AGPAT4: variants seen among roughly 807,000 people sequenced by gnomAD.
The protein encoded by AGPAT4 is 1-acyl-sn-glycerol-3-phosphate acyltransferase delta.
A neutral mutation model predicts 48.0 loss-of-function variants in AGPAT4; 15 were observed. The observed-to-expected ratio is 0.31, with a 90% CI of 0.21 to 0.48. AGPAT4 has a LOEUF of 0.48. Among genes scored for constraint, AGPAT4 ranks in the 20% least tolerant of loss-of-function variants. The probability of loss-of-function intolerance (pLI) is 0.99; values close to 1 mark genes in which losing one functional copy is unlikely to be tolerated. For missense variants in AGPAT4, 314 were observed against 482.5 expected, an observed-to-expected ratio of 0.65 and a Z score of 3.27; for synonymous variants, 178 against 198.7, an observed-to-expected ratio of 0.90 and a Z score of 0.88.
Position 161,272,058 on chromosome 6 carries a change from G to A in AGPAT4, c.-90+1880C>T, listed in dbSNP as rs146307780. Among the ~76,000 whole-genome samples, 41 of 152,164 alleles carry A rather than the reference G, an allele frequency of 2.7e-4. No homozygotes were observed. The Middle Eastern group carries it at 0.02, about 76-fold the overall frequency. On this transcript the variant is annotated intron_variant, in intron 1 of 8. Coordinates refer to ENST00000320285, the MANE Select transcript of AGPAT4 (RefSeq NM_020133.3). This position sits in a 1 kb window ranked among gnomAD's most constrained non-coding sequence, Gnocchi z 4.2. ...GTGTTATGCCCTTTAAATAGTTCTC[G>A]TCTTTAACTCCATGTGGCTCTGGTT...
At position 161,150,079 on chromosome 6, in the gene AGPAT4, TAGG is replaced by T. The variant is rs370521828; in HGVS notation, c.665-793_665-791del. Among the ~76,000 whole-genome samples, 319 of 152,334 alleles carry T rather than the reference TAGG, an allele frequency of 2.1e-3. 1 individual carries two copies. Among genetic ancestry groups the T allele is most frequent in the African/African-American group, 7.4e-3 (306 of 41,568 alleles). ...AAAAGAAGGTAGCTACAAATTATCCTAGGAGAAGATACTGATGAGAAACTCCTT... is the reference window on the plus strand; with the variant it reads ...AAAAGAAGGTAGCTACAAATTATCCTAGAAGATACTGATGAGAAACTCCTT... On this transcript the variant is annotated intron_variant, in intron 5 of 8. Coordinates refer to ENST00000320285, the MANE Select transcript of AGPAT4 (RefSeq NM_020133.3).
Position 161,221,142 on chromosome 6 carries a change from A to G in AGPAT4, c.178+10894T>C, listed in dbSNP as rs141868471. ...TGGATGAACATGGTGAGCAAGGAACACATGGTGAAGGAAACGTGTGAGGCT... is the reference window on the plus strand; with the variant it reads ...TGGATGAACATGGTGAGCAAGGAACGCATGGTGAAGGAAACGTGTGAGGCT... On this transcript the variant is annotated intron_variant, in intron 2 of 8. Coordinates refer to ENST00000320285, the MANE Select transcript of AGPAT4 (RefSeq NM_020133.3). The surrounding 1 kb of genome is among the most constrained non-coding windows in gnomAD (Gnocchi z 4.5). 3.9e-3 allele frequency among the ~76,000 whole-genome samples: 587 copies of G among 152,284 alleles called. 2 individuals carry two copies. Among genetic ancestry groups the G allele is most frequent in the African/African-American group, 0.014 (562 of 41,552 alleles).
In AGPAT4 at chr6:161,144,158, G is replaced by A. The variant is rs973727392; in HGVS notation, c.843+2366C>T. Reference sequence around the variant, plus strand: ...TCACCACTCTGCTTGGAGAAACCATGCACCACTTCCACTTGCTGCTCAGCG... The same window carrying A: ...TCACCACTCTGCTTGGAGAAACCATACACCACTTCCACTTGCTGCTCAGCG... On this transcript the variant is annotated intron_variant, in intron 7 of 8. Coordinates refer to ENST00000320285, the MANE Select transcript of AGPAT4 (RefSeq NM_020133.3). This position sits in a 1 kb window ranked among gnomAD's most constrained non-coding sequence, Gnocchi z 6.6. The A allele has an allele frequency of 1.5e-5, 8 of 533,186 alleles. No homozygotes were observed. The highest frequency in any genetic ancestry group is 1.3e-4 in the African/African-American group (7 of 51,902). The allele number at this position is 533,186 out of a possible 1,614,324, so 33.0% of individuals were successfully genotyped here.
Position 161,263,650 on chromosome 6 carries a change from G to A in AGPAT4, c.-90+10288C>T, listed in dbSNP as rs58774824. Among the ~76,000 whole-genome samples the A allele has an allele frequency of 3.3e-5, 5 of 151,974 alleles. No individual in the cohort carries two copies. In the East Asian group the frequency reaches 5.8e-4, roughly 18 times the overall value. ...AAATATCTCTCTGGTCCTCTCCCCC[G>A]ACCTCCTCTCAAACTTTAACCCTAT... On this transcript the variant is annotated intron_variant, in intron 1 of 8. Coordinates refer to ENST00000320285, the MANE Select transcript of AGPAT4 (RefSeq NM_020133.3).
chr6:161,181,705 C>G (rs1344338772), intron 2 of AGPAT4, among the ~76,000 whole-genome samples: 1 of 152,172 alleles, frequency 6.6e-6, no homozygotes. Flanking sequence ...AAACTGGGAG[C>G]CCAGCTGTGC....
At chr6:161,150,235 C>T (rs890201222) in intron 5 of AGPAT4, among the ~76,000 whole-genome samples, 5 of 152,164 alleles carry the variant, frequency 3.3e-5, no homozygotes, top group Non-Finnish European at 7.3e-5. Context: ...AGTGTAAGAG[C>T]ACCAGACGGT....
intron 2 of AGPAT4, among the ~76,000 whole-genome samples, chr6:161,193,749 G>A (rs1006226381): frequency 6.6e-6 from 1 of 152,144 alleles, no homozygotes; most frequent in African/African-American, 2.4e-5. Context: ...TCTTGGCTTC[G>A]TATATATCCT....
rs2114959426 is a variant in AGPAT4 at position 161,147,201 on chromosome 6, C to T, written c.768-602G>A. Among the ~76,000 whole-genome samples the T allele has an allele frequency of 6.6e-6, 1 of 152,310 alleles. No homozygotes were observed. Among genetic ancestry groups the T allele is most frequent in the Admixed American group, 6.5e-5 (1 of 15,294 alleles). On this transcript the variant is annotated intron_variant, in intron 6 of 8. Coordinates refer to ENST00000320285, the MANE Select transcript of AGPAT4 (RefSeq NM_020133.3). This position sits in a 1 kb window ranked among gnomAD's most constrained non-coding sequence, Gnocchi z 4.8. ...AGGGCATCTTCCCCAGGCTCCATGG[C>T]TCAGACAGGGGTCTTGAGTCACTGT...
Position 161,158,365 on chromosome 6 carries a change from GATTT to G in AGPAT4, c.349-4059_349-4056del, listed in dbSNP as rs543205602. ...AAATATACTAATTTCATCAATTCTG[GATTT>G]ATTTCACAGGTCAACGTGAAAGGAT... On this transcript the variant is annotated intron_variant, in intron 3 of 8. Coordinates refer to ENST00000320285, the MANE Select transcript of AGPAT4 (RefSeq NM_020133.3). This position sits in a 1 kb window ranked among gnomAD's most constrained non-coding sequence, Gnocchi z 5.3. Among the ~76,000 whole-genome samples the G allele has an allele frequency of 3.5e-4, 54 of 152,314 alleles. 1 individual carries two copies. The highest frequency in any genetic ancestry group is 1.5e-3 in the Admixed American group (23 of 15,300).
intron 1 of AGPAT4, among the ~76,000 whole-genome samples, chr6:161,248,022 A>T (rs1412118255): frequency 1.3e-5 from 2 of 150,324 alleles, no homozygotes. Flanking sequence ...TGGCCACAGC[A>T]ATTAGGCAAG....
In AGPAT4 at chr6:161,139,656, C is replaced by T. The variant is rs542686127; in HGVS notation, c.844-36G>A. On this transcript the variant is annotated intron_variant, in intron 7 of 8. Coordinates refer to ENST00000320285, the MANE Select transcript of AGPAT4 (RefSeq NM_020133.3). The surrounding 1 kb of genome is among the most constrained non-coding windows in gnomAD (Gnocchi z 9.1). ...GGAAAGAGGACCCTCAGACGCCACACGGGGCTCGGTGGCAGGTCCCTCCCG... is the reference window on the plus strand; with the variant it reads ...GGAAAGAGGACCCTCAGACGCCACATGGGGCTCGGTGGCAGGTCCCTCCCG... 1.9e-5 allele frequency: 29 copies of T among 1,544,270 alleles called. No homozygotes were observed. The East Asian group carries it at 2.5e-4, about 13-fold the overall frequency.
chr6:161,253,521 T>C (rs1782862167), intron 1 of AGPAT4, among the ~76,000 whole-genome samples: 1 of 151,964 alleles, frequency 6.6e-6, no homozygotes, highest in Non-Finnish European at 1.5e-5. Context: ...CCCAAAGTGC[T>C]GGGATTACAG....
Position 161,255,956 on chromosome 6 carries a change from C to A in AGPAT4, c.-90+17982G>T, listed in dbSNP as rs1432905387. Among the ~76,000 whole-genome samples the A allele has an allele frequency of 6.6e-6, 1 of 152,094 alleles. No individual in the cohort carries two copies. The highest frequency in any genetic ancestry group is 1.5e-5 in the Non-Finnish European group (1 of 68,028). ...AAGACAAAACATAAGCAGAGTCAGC[C>A]TTCAGTCCACACAGCCATGTCAACA... On this transcript the variant is annotated intron_variant, in intron 1 of 8. Coordinates refer to ENST00000320285, the MANE Select transcript of AGPAT4 (RefSeq NM_020133.3). This position sits in a 1 kb window ranked among gnomAD's most constrained non-coding sequence, Gnocchi z 4.7.
chr6:161,256,350 G>C lies in AGPAT4; in HGVS notation c.-90+17588C>G, dbSNP rs187190150. On this transcript the variant is annotated intron_variant, in intron 1 of 8. Transcript: ENST00000320285. ...CGACCGCCACCATCTAGAAGAATTA[G>C]GCTTTGTGCCTAAGATTGGGGAAAA... Among the ~76,000 whole-genome samples, 357 of 152,314 alleles carry C rather than the reference G, an allele frequency of 2.3e-3. 2 individuals carry two copies. Among genetic ancestry groups the C allele is most frequent in the African/African-American group, 8.1e-3 (338 of 41,580 alleles).
intron 1 of AGPAT4, among the ~76,000 whole-genome samples, chr6:161,257,673 T>C (rs1169720080): frequency 1.3e-5 from 2 of 152,042 alleles, no homozygotes; most frequent in African/African-American, 4.8e-5. Flanking sequence ...TCTTGAAATA[T>C]GAGAAGTCAA....
In AGPAT4 at chr6:161,166,471, G is replaced by A. The variant is rs1159172817; in HGVS notation, c.179-54C>T. ...TACTACATGCAGCCTTGTCCTGGGA[G>A]CCCTGCTGAGAGCAGGGCTCTGCCC... is the stretch of plus-strand genomic sequence containing the variant. On this transcript the variant is annotated intron_variant, in intron 2 of 8. Transcript: ENST00000320285. This position sits in a 1 kb window ranked among gnomAD's most constrained non-coding sequence, Gnocchi z 6.7. The A allele has an allele frequency of 2.6e-5, 40 of 1,533,104 alleles. 1 individual carries two copies. The East Asian group carries it at 8.8e-4, about 34-fold the overall frequency. The allele number at this position is 1,533,104 out of a possible 1,614,324, so 95.0% of individuals were successfully genotyped here. A position where few individuals can be genotyped will look rare whatever the true frequency, so the allele number is the denominator to read the frequency against.
intron 2 of AGPAT4, among the ~76,000 whole-genome samples, chr6:161,170,469 GCGCGCACACACACACA>G (rs67331032): frequency 0.099 from 12,082 of 121,532 alleles, 503 homozygotes; most frequent in Non-Finnish European, 0.13. Context: ...ACACGTGCGC[GCGCGCACACACACACA>G]CACACACACA....
At chr6:161,187,562 G>A (rs1780805376) in intron 2 of AGPAT4, among the ~76,000 whole-genome samples, 1 of 151,238 alleles carries the variant, frequency 6.6e-6, no homozygotes, top group Non-Finnish European at 1.5e-5. Context: ...TAGAGACAGG[G>A]AGGGTCTCAC....
chr6:161,130,924 ATGTC>A lies in AGPAT4; in HGVS notation c.*5612_*5615del, dbSNP rs776706661. 9 of 518,798 alleles carry A rather than the reference ATGTC, an allele frequency of 1.7e-5. No individual in the cohort carries two copies. Among genetic ancestry groups the A allele is most frequent in the East Asian group, 1.1e-4 (2 of 18,370 alleles). The allele number at this position is 518,798 out of a possible 1,614,324, so 32.1% of individuals were successfully genotyped here. On this transcript the variant is annotated 3_prime_UTR_variant, in exon 9 of 9. Transcript: ENST00000320285. Reference sequence around the variant, plus strand: ...AAAATTCCATGGATGACTTTTCTGAATGTCCTAGAATGTTTGGCAAAGATCTGGC... The same window carrying A: ...AAAATTCCATGGATGACTTTTCTGAACTAGAATGTTTGGCAAAGATCTGGC...
Sources: gnomAD v4.1 joint callset for allele counts (sites outside exome capture counted in the v4.1 genomes callset) on GRCh38, gnomAD v4.1.1 for gene constraint, Gnocchi (gnomAD v3.1) non-coding constraint, MANE v1.5 for transcripts, NCBI Gene and HGNC (gene_info 2026-07-23, HGNC 2026-07-21) for gene names.